The following RHBDL2 variants were observed in gnomAD, a reference collection of about 807,000 sequenced individuals.
RHBDL2 encodes rhomboid like 2.
In RHBDL2, 26 loss-of-function variants were observed where a neutral mutation model predicts 31.7. The ratio of observed to expected loss-of-function variants is 0.82; its 90% CI spans 0.60 to 1.14. The LOEUF is 1.14. Among genes scored for constraint, RHBDL2 ranks in the 50% most tolerant of loss-of-function variants. The pLI, the probability that RHBDL2 is intolerant of heterozygous loss-of-function variation, is 0.00. For synonymous variants in RHBDL2, 123 were observed against 127.2 expected (o/e 0.97, Z 0.22); for missense variants, 336 against 364.4 (o/e 0.92, Z 0.63).
chr1:38,925,117 C>T (rs1643360577), intron 1 of RHBDL2, among the ~76,000 whole-genome samples: 1 of 152,094 alleles, frequency 6.6e-6, no homozygotes, highest in African/African-American at 2.4e-5. Context: ...ACATAGGAGA[C>T]TCCTGACATT....
chr1:38,936,319 G>C (rs1278015538), intron 1 of RHBDL2, among the ~76,000 whole-genome samples: 1 of 150,902 alleles, frequency 6.6e-6, no homozygotes, highest in East Asian at 2.0e-4. Context: ...GTTTTTGGGG[G>C]TTTTTTTGAG....
chr1:38,904,828 G>A (rs1245781189), intron 4 of RHBDL2, among the ~76,000 whole-genome samples: 3 of 145,710 alleles, frequency 2.1e-5, no homozygotes, highest in South Asian at 2.2e-4. Context: ...TCAGGATATC[G>A]AGACCATCCT....
chr1:38,909,138 C>CTAGG (rs1489626842), intron 4 of RHBDL2, among the ~76,000 whole-genome samples: 2 of 152,110 alleles, frequency 1.3e-5, no homozygotes. Context: ...TGTCTGCAGG[C>CTAGG]TAGGGTCTCG....
chr1:38,925,800 C>T (rs926549133), intron 1 of RHBDL2, among the ~76,000 whole-genome samples: 1 of 152,120 alleles, frequency 6.6e-6, no homozygotes, highest in Non-Finnish European at 1.5e-5. Context: ...AAACAAGAAA[C>T]AAATATTTTA....
intron 1 of RHBDL2, chr1:38,925,917 AT>A (rs1643369760): frequency 8.0e-7 from 1 of 1,250,754 alleles, no homozygotes; most frequent in South Asian, 1.3e-5. Context: ...ACTCATATTC[AT>A]TTATAATGGG....
At chr1:38,922,747 GCCCC>G (rs1285718133) in intron 1 of RHBDL2, among the ~76,000 whole-genome samples, 1 of 150,440 alleles carries the variant, frequency 6.6e-6, no homozygotes, top group East Asian at 2.0e-4. Context: ...TTTATCTTCT[GCCCC>G]ACTCCTGAAT....
chr1:38,908,814 G>A (rs187397285), intron 4 of RHBDL2, among the ~76,000 whole-genome samples: 1 of 152,150 alleles, frequency 6.6e-6, no homozygotes, highest in African/African-American at 2.4e-5. Flanking sequence ...TTATACTTGT[G>A]CCTTATCTCC....
chr1:38,921,420 A>G (rs1643313864), intron 1 of RHBDL2, among the ~76,000 whole-genome samples: 2 of 152,102 alleles, frequency 1.3e-5, no homozygotes, highest in South Asian at 4.1e-4. Flanking sequence ...CGTAGTAAAC[A>G]CCCTATAATT....
intron 3 of RHBDL2, 198 bp downstream of exon 3, chr1:38,915,364 A>G (rs1643218380): frequency 1.2e-5 from 6 of 520,362 alleles, no homozygotes; most frequent in East Asian, 3.2e-5. Context: ...ACCTCAAGTG[A>G]TCTGCCCACC....
chr1:38,934,284 G>A (rs1359726537), intron 1 of RHBDL2, among the ~76,000 whole-genome samples: 1 of 152,038 alleles, frequency 6.6e-6, no homozygotes, highest in African/African-American at 2.4e-5. Flanking sequence ...AGAGGCAGAG[G>A]TTGCAGTGAG....
chr1:38,936,636 A>C (rs1216727379), intron 1 of RHBDL2, among the ~76,000 whole-genome samples: 1 of 151,624 alleles, frequency 6.6e-6, no homozygotes, highest in Non-Finnish European at 1.5e-5. Context: ...AATAGCCGGG[A>C]TTACAGATGC....
intron 5 of RHBDL2, among the ~76,000 whole-genome samples, chr1:38,894,314 TTTGTTGTTG>T (rs370276049): frequency 2.0e-5 from 3 of 151,766 alleles, no homozygotes; most frequent in African/African-American, 7.3e-5. Context: ...TACCTAGAAT[TTTGTTGTTG>T]TTGTTGTTGT....
intron 4 of RHBDL2, among the ~76,000 whole-genome samples, chr1:38,910,443 A>G (rs1358854823): frequency 1.3e-5 from 2 of 152,208 alleles, no homozygotes; most frequent in Admixed American, 1.3e-4. Flanking sequence ...TTTTAAAAAA[A>G]TGTTTCCAAT....
At chr1:38,934,794 A>G (rs542128981) in intron 1 of RHBDL2, among the ~76,000 whole-genome samples, 8 of 152,012 alleles carry the variant, frequency 5.3e-5, no homozygotes, top group African/African-American at 1.2e-4. Context: ...CGTCTCTACT[A>G]AAAATACAAA....
intron 4 of RHBDL2, among the ~76,000 whole-genome samples, chr1:38,908,882 A>G (rs1296647771): frequency 6.6e-6 from 1 of 152,192 alleles, no homozygotes; most frequent in African/African-American, 2.4e-5. Context: ...GAAGAATTGG[A>G]TGGATAACAC....
At chr1:38,914,628 TAAC>T (rs1208485036) in intron 3 of RHBDL2, among the ~76,000 whole-genome samples, 2 of 152,122 alleles carry the variant, frequency 1.3e-5, no homozygotes, top group Admixed American at 6.6e-5. Context: ...AGAGTATATT[TAAC>T]AACATTAGAC....
intron 5 of RHBDL2, among the ~76,000 whole-genome samples, chr1:38,895,503 A>T (rs901256846): frequency 3.3e-5 from 5 of 152,164 alleles, no homozygotes; most frequent in African/African-American, 7.2e-5. Context: ...GAGAAAAAAA[A>T]TGATAACATA....
intron 4 of RHBDL2, among the ~76,000 whole-genome samples, chr1:38,902,897 A>G (rs1275372156): frequency 6.6e-6 from 1 of 152,186 alleles, no homozygotes; most frequent in Non-Finnish European, 1.5e-5. Context: ...CATCTTTGGA[A>G]AAACACACAA....
Position 38,893,202 on chromosome 1 carries a change from G to T in RHBDL2, c.632C>A (p.Ala211Asp). The T allele has an allele frequency of 1.9e-6, 3 of 1,567,198 alleles. No individual in the cohort carries two copies. Among genetic ancestry groups the T allele is most frequent in the South Asian group, 1.1e-5 (1 of 88,996 alleles). The change falls in exon 6 of 8, where the codon GCC (alanine) becomes GAC (aspartate). Residue 211 changes from alanine (A) to aspartate (D), a missense_variant. Physicochemically the swap from Ala to Asp is moderately radical, Grantham distance 126 (BLOSUM62 -2). Transcript: ENST00000372990. The part of the protein sequence containing the change: ...VLVNFQEMIP[A>D]FGIFRLLIII... The stretch of plus-strand genomic sequence containing the variant: ...GATCAGCAGTCTGAAAATTCCAAAG[G>T]CAGGAATCATTTCTTGAAAATTCTT...
Sources: gnomAD v4.1 joint callset for allele counts (sites outside exome capture counted in the v4.1 genomes callset) on GRCh38, gnomAD v4.1.1 for gene constraint, MANE v1.5 for transcripts, NCBI Gene and HGNC (gene_info 2026-07-23, HGNC 2026-07-21) for gene names.